Variants in RPS19 observed in about 807,000 individuals in gnomAD.
The protein encoded by RPS19 is small ribosomal subunit protein eS19.
A neutral mutation model predicts 20.3 loss-of-function variants in RPS19; 1 was observed. The observed-to-expected ratio is 0.05, with a 90% CI of 0.02 to 0.23. The LOEUF (loss-of-function observed/expected upper bound fraction) is 0.23. Among genes scored for constraint, RPS19 ranks in the 10% least tolerant of loss-of-function variants. RPS19 has a pLI of 1.00. For missense variants in RPS19, 111 were observed against 192.7 expected, an observed-to-expected ratio of 0.58 and a Z score of 2.51; for synonymous variants, 87 against 74.8, an observed-to-expected ratio of 1.16 and a Z score of -0.84.
At position 41,872,103 on chromosome 19, in the gene RPS19, T is replaced by TA. The variant is rs2074154767; in HGVS notation, c.*727dup. 1 of 152,326 alleles carries TA rather than the reference T, an allele frequency of 6.6e-6. No homozygotes were observed. The highest frequency in any genetic ancestry group is 1.5e-5 in the Non-Finnish European group (1 of 68,136). The allele number at this position is 152,326 out of a possible 1,614,324, so 9.4% of individuals were successfully genotyped here. On this transcript the variant is annotated 3_prime_UTR_variant, in exon 6 of 6. Coordinates refer to ENST00000598742, the MANE Select transcript of RPS19 (RefSeq NM_001022.4). ...GCAGATCCCTGTGCAGAAGTTGAAT[T>TA]ACCAGGGCGGCCACACACGGGCTGC...
intron 1 of RPS19, 56 bp from the exon 2 acceptor site, chr19:41,860,719 C>G: frequency 4.6e-6 from 6 of 1,300,776 alleles, no homozygotes; most frequent in Non-Finnish European, 6.7e-6. Context: ...GGGGTCCGTG[C>G]TCTTGGCAGT....
intron 5 of RPS19, among the ~76,000 whole-genome samples, chr19:41,871,009 C>T (rs1327846410): frequency 7.2e-5 from 11 of 151,780 alleles, no homozygotes; most frequent in Non-Finnish European, 1.5e-4. Flanking sequence ...ACTACAGGCA[C>T]ACACCACCAC....
intron 3 of RPS19, among the ~76,000 whole-genome samples, chr19:41,862,768 T>C (rs1203410332): frequency 6.6e-6 from 1 of 152,122 alleles, no homozygotes; most frequent in East Asian, 1.9e-4. Flanking sequence ...TGGCCCTGCC[T>C]GGAAACCTCA....
At chr19:41,868,549 C>T (rs1324415120) in intron 3 of RPS19, among the ~76,000 whole-genome samples, 2 of 152,144 alleles carry the variant, frequency 1.3e-5, no homozygotes, top group East Asian at 3.8e-4. Flanking sequence ...AGGGACTTGC[C>T]CAAGCCAGCC....
rs1337530877 is a variant in RPS19 at position 41,869,788 on chromosome 19, T to A, written c.411+35T>A. The A allele has an allele frequency of 3.7e-6, 6 of 1,603,334 alleles. No homozygotes were observed. The African/African-American group carries it at 8.0e-5, about 21-fold the overall frequency. ...GCGTTTGGGGTGGGGCTGGGTCCCT[T>A]AGTCGCTGCCCAAGCATTTCCAAAG... is the stretch of plus-strand genomic sequence containing the variant. On this transcript the variant is annotated intron_variant, in intron 5 of 5. Coordinates refer to ENST00000598742, the MANE Select transcript of RPS19 (RefSeq NM_001022.4).
chr19:41,862,552 A>AG (rs2074042891), intron 3 of RPS19, among the ~76,000 whole-genome samples: 1 of 151,966 alleles, frequency 6.6e-6, no homozygotes, highest in African/African-American at 2.4e-5. Context: ...TGGATCTGGG[A>AG]TTAGCCTTTC....
intron 4 of RPS19, among the ~76,000 whole-genome samples, chr19:41,869,429 A>G (rs1417819251): frequency 1.3e-5 from 2 of 152,186 alleles, no homozygotes; most frequent in African/African-American, 4.8e-5. Context: ...TTTAGCGACT[A>G]TCTGCTTTCA....
rs889028625 is a variant in RPS19, at chr19:41,872,548, G to A, written c.*1171G>A. 6.6e-6 allele frequency: 1 copy of A among 152,344 alleles called. No individual in the cohort carries two copies. Among genetic ancestry groups the A allele is most frequent in the Admixed American group, 6.5e-5 (1 of 15,280 alleles). The allele number at this position is 152,344 out of a possible 1,614,324, so 9.4% of individuals were successfully genotyped here. The stretch of plus-strand genomic sequence containing the variant: ...ATGCCGTGGAGAGCCTTGGCTCTGA[G>A]TAGCTCTGCTGCTGGACAGTTCAGT... On this transcript the variant is annotated 3_prime_UTR_variant, in exon 6 of 6. Coordinates refer to ENST00000598742, the MANE Select transcript of RPS19 (RefSeq NM_001022.4).
intron 3 of RPS19, among the ~76,000 whole-genome samples, chr19:41,865,363 CA>C (rs11445219): frequency 0.45 from 58,539 of 130,522 alleles, 13,320 homozygotes; most frequent in Middle Eastern, 0.69. Context: ...GAGACTGTCT[CA>C]AAAAAAAAAA....
intron 3 of RPS19, among the ~76,000 whole-genome samples, chr19:41,862,632 T>C (rs2074043859): frequency 1.6e-5 from 2 of 122,120 alleles, no homozygotes; most frequent in South Asian, 3.0e-4. Context: ...ATGTGTCTTG[T>C]ACATTTTTTT....
chr19:41,861,359 C>T (rs2074030018), intron 3 of RPS19, 147 bp downstream of exon 3: 1 of 678,858 alleles, frequency 1.5e-6, no homozygotes, highest in Non-Finnish European at 2.7e-6. Context: ...TGTGATGTGA[C>T]ATTCGATAAC....
intron 5 of RPS19, among the ~76,000 whole-genome samples, chr19:41,870,464 G>C (rs1211375167): frequency 2.6e-5 from 4 of 152,146 alleles, no homozygotes; most frequent in African/African-American, 9.7e-5. Context: ...ATCCTGGCTG[G>C]CCAACACCCT....
chr19:41,861,628 A>G lies in RPS19; in HGVS notation c.172+416A>G, dbSNP rs117170120. The G allele has an allele frequency of 5.4e-4, 168 of 309,836 alleles. 2 individuals carry two copies. In the East Asian group the frequency reaches 0.013, roughly 24 times the overall value. The allele number at this position is 309,836 out of a possible 1,614,324, so 19.2% of individuals were successfully genotyped here. ...TGGGACTAATTATTGTACCAGTACT[A>G]GAGTATTGCAAGGATTGAATGAATT... is the stretch of plus-strand genomic sequence containing the variant. On this transcript the variant is annotated intron_variant, in intron 3 of 5. Coordinates refer to ENST00000598742, the MANE Select transcript of RPS19 (RefSeq NM_001022.4).
chr19:41,862,498 C>T (rs1418270504), intron 3 of RPS19, among the ~76,000 whole-genome samples: 1 of 152,194 alleles, frequency 6.6e-6, no homozygotes, highest in African/African-American at 2.4e-5. Flanking sequence ...GTCCCCCCAT[C>T]TTGCTTTGGC....
In RPS19 at chr19:41,871,431, T is replaced by C. The variant is rs527896025; in HGVS notation, c.*54T>C. The C allele has an allele frequency of 8.5e-5, 131 of 1,541,368 alleles. No homozygotes were observed. The East Asian group carries it at 2.9e-3, about 34-fold the overall frequency. ...CTCATTCGTAATCCTGGTCTGGGTC[T>C]CTTTTTTGAGTCTCTTGCTCTGTCG... is the stretch of plus-strand genomic sequence containing the variant. On this transcript the variant is annotated 3_prime_UTR_variant, in exon 6 of 6. Transcript: ENST00000598742.
chr19:41,864,138 G>T (rs1274011696), intron 3 of RPS19: 1 of 152,220 alleles, frequency 6.6e-6, no homozygotes, highest in African/African-American at 2.4e-5. Flanking sequence ...CCCGCACCCA[G>T]CTGGACAAGC....
intron 3 of RPS19, 183 bp downstream of exon 3, chr19:41,861,395 T>A (rs782340311): frequency 6.4e-6 from 4 of 623,082 alleles, no homozygotes; most frequent in Non-Finnish European, 1.2e-5. Flanking sequence ...TTTATGACAT[T>A]CTAAGAGCTT....
At chr19:41,871,293 A>G (rs577701679) in intron 5 of RPS19, 58 bp from the exon 6 acceptor site, 6 of 1,555,632 alleles carry the variant, frequency 3.9e-6, no homozygotes, top group Non-Finnish European at 5.3e-6. Context: ...TAGCTGTTAC[A>G]AAGTGCCCCA....
At chr19:41,864,282 G>A (rs2074062415) in intron 3 of RPS19, 1 of 152,362 alleles carries the variant, frequency 6.6e-6, no homozygotes, top group Non-Finnish European at 1.5e-5. Context: ...GTTGGAGGCT[G>A]CTCCATCTCT....
Sources: allele counts gnomAD v4.1 joint callset (sites outside exome capture counted in the v4.1 genomes callset), GRCh38; gene constraint gnomAD v4.1.1; transcripts MANE v1.5; gene names NCBI Gene and HGNC (gene_info 2026-07-23, HGNC 2026-07-21).